Variants in TULP4 observed in about 807,000 individuals in gnomAD.
TULP4 encodes the protein tubby-related protein 4.
TULP4 carries 16 observed loss-of-function variants against 129.0 expected under a neutral mutation model. The observed-to-expected ratio is 0.12, with a 90% CI of 0.08 to 0.19. The LOEUF is 0.19. Ranked by LOEUF, TULP4 falls within the 10% of genes least tolerant of loss-of-function variation. The probability of loss-of-function intolerance (pLI) is 1.00; values close to 1 mark genes in which losing one functional copy is unlikely to be tolerated. For synonymous variants in TULP4, 998 were observed against 854.0 expected (o/e 1.17, Z -2.94); for missense variants, 1,842 against 2,059.1 (o/e 0.89, Z 2.04).
At chr6:158,427,463 T>C (rs956429215) in intron 2 of TULP4, among the ~76,000 whole-genome samples, 3 of 145,116 alleles carry the variant, frequency 2.1e-5, no homozygotes, top group Non-Finnish European at 4.5e-5. Flanking sequence ...TTTTCAAAAT[T>C]ATCAGACCTT....
upstream of TULP4, among the ~76,000 whole-genome samples, chr6:158,309,919 G>A (rs1779311238): frequency 7.3e-6 from 1 of 136,362 alleles, no homozygotes; most frequent in Admixed American, 7.3e-5. Context: ...AGGGAGAGGG[G>A]GAGGGGGAGG....
chr6:158,284,089 G>A (rs1270096836), intron 1 of TULP4, among the ~76,000 whole-genome samples: 1 of 152,174 alleles, frequency 6.6e-6, no homozygotes, highest in Non-Finnish European at 1.5e-5. Context: ...TCAAAAGAAA[G>A]TGAGAAAAAT....
At chr6:158,350,956 G>T (rs1780503365) in intron 1 of TULP4, among the ~76,000 whole-genome samples, 1 of 152,064 alleles carries the variant, frequency 6.6e-6, no homozygotes, top group Non-Finnish European at 1.5e-5. Context: ...GTTTCACCAT[G>T]TTGGCCAGGC....
intron 1 of TULP4, among the ~76,000 whole-genome samples, chr6:158,346,614 A>C (rs774225723): frequency 4.1e-4 from 63 of 152,358 alleles, no homozygotes; most frequent in Non-Finnish European, 6.9e-4. Flanking sequence ...CAAATAAAAA[A>C]AGCATCTGTA....
At chr6:158,312,125 C>T (rs142370586), upstream of TULP4, 1,269 of 397,668 alleles carry the variant, frequency 3.2e-3, 1 homozygote, top group Middle Eastern at 0.018. Context: ...GCAGACGCTT[C>T]GTATGGCAGT....
intron 2 of TULP4, among the ~76,000 whole-genome samples, chr6:158,429,037 C>T (rs1385786900): frequency 6.6e-6 from 1 of 152,186 alleles, no homozygotes; most frequent in Non-Finnish European, 1.5e-5. Flanking sequence ...GGCTGGAGTA[C>T]AGAGGCACCA....
chr6:158,391,864 T>C (rs1220905400), intron 1 of TULP4, among the ~76,000 whole-genome samples: 5 of 152,198 alleles, frequency 3.3e-5, no homozygotes, highest in African/African-American at 4.8e-5. Flanking sequence ...TCCTCTGAGA[T>C]GTAAGGAAGC....
At chr6:158,445,597 T>TTAGA (rs1779017575) in intron 3 of TULP4, among the ~76,000 whole-genome samples, 1 of 152,052 alleles carries the variant, frequency 6.6e-6, no homozygotes, top group Admixed American at 6.6e-5. Context: ...GGGGCCGTGG[T>TTAGA]TAGAGCAAGA....
chr6:158,348,985 G>GCAAA (rs1780398171), intron 1 of TULP4, among the ~76,000 whole-genome samples: 1 of 123,754 alleles, frequency 8.1e-6, no homozygotes, highest in Non-Finnish European at 1.8e-5. Context: ...TTTCCCAGAT[G>GCAAA]GGGCAGCCGG....
intron 1 of TULP4, among the ~76,000 whole-genome samples, chr6:158,360,619 G>T (rs999584844): frequency 1.3e-5 from 2 of 152,166 alleles, no homozygotes; most frequent in Non-Finnish European, 2.9e-5. Context: ...AAAAGGGGAA[G>T]AAAAATCTGT....
At chr6:158,453,889 G>C (rs868480627) in intron 5 of TULP4, among the ~76,000 whole-genome samples, 118 of 151,914 alleles carry the variant, frequency 7.8e-4, no homozygotes, top group African/African-American at 2.1e-3. Context: ...GGAGGCGGAG[G>C]TTGCAGTGAG....
chr6:158,484,621 T>C (rs1780023319), intron 8 of TULP4, among the ~76,000 whole-genome samples: 1 of 151,936 alleles, frequency 6.6e-6, no homozygotes, highest in Non-Finnish European at 1.5e-5. Flanking sequence ...TTACTGGCCT[T>C]AAAGAAAAGA....
chr6:158,408,043 T>TGA (rs146651761), intron 1 of TULP4, among the ~76,000 whole-genome samples: 122 of 151,944 alleles, frequency 8.0e-4, no homozygotes, highest in African/African-American at 2.7e-3. Context: ...ATCTTACTCT[T>TGA]GAGAGAGAGA....
At position 158,453,790 on chromosome 6, in the gene TULP4, G is replaced by GAA. The variant is rs1184468061; in HGVS notation, c.859+1537_859+1538dup. On this transcript the variant is annotated intron_variant, in intron 5 of 13. Transcript: ENST00000367097. ...GATGACAGAGCAGGACTCTGTCTCG[G>GAA]AAAAAAAAAAAAAAAAGCCAGGTGT... Among the ~76,000 whole-genome samples the GAA allele has an allele frequency of 2.9e-3, 323 of 112,882 alleles. 12 individuals are homozygous for GAA. In the East Asian group the frequency reaches 0.047, roughly 17 times the overall value. 74.1% of individuals were successfully genotyped at this position (112,882 alleles called of 152,430 possible). A position where few individuals can be genotyped will look rare whatever the true frequency, so the allele number is the denominator to read the frequency against.
At chr6:158,258,205 AG>A (rs1272662169) in intron 1 of TULP4, among the ~76,000 whole-genome samples, 2 of 152,232 alleles carry the variant, frequency 1.3e-5, no homozygotes, top group Admixed American at 1.3e-4. Flanking sequence ...AATCCAGGTC[AG>A]GAGCCAGGGA....
intron 12 of TULP4, among the ~76,000 whole-genome samples, chr6:158,500,433 T>G (rs1404100010): frequency 2.0e-5 from 3 of 152,196 alleles, no homozygotes; most frequent in African/African-American, 7.2e-5. Context: ...CTGGCTTGAT[T>G]CTGTAGTTCT....
rs9457377 is a variant in TULP4 at position 158,478,512 on chromosome 6, C to G, written c.1027-1239C>G. On this transcript the variant is annotated intron_variant, in intron 6 of 13. Transcript: ENST00000367097. ...AGTTAATAGGTCCCTTTGTGTGGGG[C>G]CTGCCCCCTGTGTGGAATCATCTCA... Among the ~76,000 whole-genome samples, 392 of 152,300 alleles carry G rather than the reference C, an allele frequency of 2.6e-3. 5 individuals carry two copies. Among genetic ancestry groups the G allele is most frequent in the African/African-American group, 9.2e-3 (382 of 41,562 alleles).
Position 158,481,049 on chromosome 6 carries a change from C to T in TULP4, c.1252-6C>T, listed in dbSNP as rs980879846. The T allele has an allele frequency of 1.3e-6, 2 of 1,553,036 alleles. No homozygotes were observed. Among genetic ancestry groups the T allele is most frequent in the Admixed American group, 3.7e-5 (2 of 54,482 alleles). On this transcript the variant is annotated splice_region_variant and splice_polypyrimidine_tract_variant and intron_variant, in intron 7 of 13. Transcript: ENST00000367097. Reference sequence around the variant, plus strand: ...CAGCTCTTCATTTTCTTCCTGTATCCTCCAGCCCCCAATTCCAGATCCGAA... The same window carrying T: ...CAGCTCTTCATTTTCTTCCTGTATCTTCCAGCCCCCAATTCCAGATCCGAA...
intron 11 of TULP4, 68 bp downstream of exon 11, chr6:158,494,914 T>G: frequency 1.5e-6 from 2 of 1,369,688 alleles, no homozygotes; most frequent in Non-Finnish European, 2.1e-6. Context: ...TTTCCACCTT[T>G]AGTGGCTTAA....
Sources: allele counts gnomAD v4.1 joint callset (sites outside exome capture counted in the v4.1 genomes callset), GRCh38; gene constraint gnomAD v4.1.1; transcripts MANE v1.5; gene names NCBI Gene and HGNC (gene_info 2026-07-23, HGNC 2026-07-21).